AAK1: variants seen among roughly 807,000 people sequenced by gnomAD.
The protein encoded by AAK1 is AP2 associated kinase 1.
A neutral mutation model predicts 116.0 loss-of-function variants in AAK1; 37 were observed. The observed-to-expected ratio is 0.32, with a 90% CI of 0.25 to 0.42. AAK1 has a LOEUF of 0.42. Among genes scored for constraint, AAK1 ranks in the 10% least tolerant of loss-of-function variants. The pLI is 1.00. For synonymous variants in AAK1, 458 were observed against 439.9 expected (o/e 1.04, Z -0.51); for missense variants, 919 against 1,170.6 (o/e 0.79, Z 3.14).
rs1674752815 is a variant in AAK1 at position 69,473,614 on chromosome 2, G to C, written c.*2255C>G. 1.0e-6 allele frequency: 1 copy of C among 983,492 alleles called. No individual in the cohort carries two copies. Among genetic ancestry groups the C allele is most frequent in the African/African-American group, 1.8e-5 (1 of 57,126 alleles). The allele number at this position is 983,492 out of a possible 1,614,324, so 60.9% of individuals were successfully genotyped here. ...AAATGACTAGATAATATATTTCAATGTAATTATGGGTAATATATGAAAAGA... is the reference window on the plus strand; with the variant it reads ...AAATGACTAGATAATATATTTCAATCTAATTATGGGTAATATATGAAAAGA... On this transcript the variant is annotated 3_prime_UTR_variant, in exon 22 of 22. Coordinates refer to ENST00000409085, the MANE Select transcript of AAK1 (RefSeq NM_014911.5).
chr2:69,529,400 CT>C (rs11450461), intron 8 of AAK1, among the ~76,000 whole-genome samples: 1 of 149,830 alleles, frequency 6.7e-6, no homozygotes, highest in Non-Finnish European at 1.5e-5. Context: ...AAATATTATT[CT>C]TTTTTTTTTC....
chr2:69,543,014 C>T (rs1273664778), intron 4 of AAK1, among the ~76,000 whole-genome samples: 2 of 152,194 alleles, frequency 1.3e-5, no homozygotes, highest in East Asian at 3.8e-4. Flanking sequence ...TGGCCACAGC[C>T]TCAACTTGCC....
rs562559905 is a variant in AAK1 at position 69,538,471 on chromosome 2, C to T, written c.534+4052G>A. 1.8e-4 allele frequency among the ~76,000 whole-genome samples: 27 copies of T among 152,380 alleles called. No individual in the cohort carries two copies. The South Asian group carries it at 5.4e-3, about 30-fold the overall frequency. On this transcript the variant is annotated intron_variant, in intron 5 of 21. Transcript: ENST00000409085. ...GCTGACCCAGCACCTCACTGTAGCA[C>T]AGGGAATGTCACCAGGCAGTGCTAT...
chr2:69,468,303 G>A lies in AAK1; in HGVS notation c.*7566C>T, dbSNP rs56752877. On this transcript the variant is annotated 3_prime_UTR_variant, in exon 22 of 22. Coordinates refer to ENST00000409085, the MANE Select transcript of AAK1 (RefSeq NM_014911.5). ...AGATTTGTCTCAGTGATACCAAGATGATAATTTCTGGGAGGAAATTCAAAT... is the reference window on the plus strand; with the variant it reads ...AGATTTGTCTCAGTGATACCAAGATAATAATTTCTGGGAGGAAATTCAAAT... 9,341 of 985,204 alleles carry A rather than the reference G, an allele frequency of 9.5e-3. 548 individuals are homozygous for A. In the African/African-American group the frequency reaches 0.14, roughly 14 times the overall value. 61.0% of individuals were successfully genotyped at this position (985,204 alleles called of 1,614,324 possible).
chr2:69,640,987 C>G (rs1172102471), intron 2 of AAK1, among the ~76,000 whole-genome samples: 1 of 152,236 alleles, frequency 6.6e-6, no homozygotes, highest in African/African-American at 2.4e-5. Context: ...ACAGGCAACT[C>G]CATAAACTGT....
intron 2 of AAK1, among the ~76,000 whole-genome samples, chr2:69,611,689 G>A (rs576444281): frequency 1.3e-4 from 20 of 152,218 alleles, no homozygotes; most frequent in African/African-American, 4.3e-4. Context: ...AGAGAGATAC[G>A]TATACCCATG....
intron 2 of AAK1, among the ~76,000 whole-genome samples, chr2:69,575,464 ATT>A (rs947872572): frequency 2.5e-4 from 33 of 134,372 alleles, no homozygotes; most frequent in Admixed American, 3.0e-4. Context: ...AGATAAACAA[ATT>A]TTTTTTTTTT....
intron 7 of AAK1, 90 bp downstream of exon 7, chr2:69,530,535 A>T (rs1670210716): frequency 5.5e-6 from 6 of 1,084,490 alleles, no homozygotes; most frequent in Non-Finnish European, 8.4e-6. Flanking sequence ...TACAGTAGCC[A>T]CCATGCTATA....
rs1175655712 is a variant in AAK1, at chr2:69,476,194, G to GCA, written c.2792-233_2792-232dup. Among the ~76,000 whole-genome samples the GCA allele has an allele frequency of 6.6e-5, 10 of 152,256 alleles. No homozygotes were observed. The East Asian group carries it at 1.9e-3, about 29-fold the overall frequency. On this transcript the variant is annotated intron_variant, in intron 21 of 21. Transcript: ENST00000409085. The stretch of plus-strand genomic sequence containing the variant: ...CCCACCAAAAGCTCAGGCACTCTGT[G>GCA]CACACCACAGTATAGGTAGGACATC...
intron 3 of AAK1, among the ~76,000 whole-genome samples, chr2:69,555,232 C>A (rs143695722): frequency 3.3e-5 from 5 of 152,334 alleles, no homozygotes; most frequent in African/African-American, 1.2e-4. Context: ...GAGCTATGTG[C>A]AGGGGAGTGG....
intron 5 of AAK1, 109 bp from the exon 6 acceptor site, chr2:69,532,271 A>G (rs1258096973): frequency 1.4e-5 from 19 of 1,357,840 alleles, no homozygotes; most frequent in East Asian, 2.5e-5. Context: ...CAGTCTCATT[A>G]ATGTGCACAG....
intron 2 of AAK1, among the ~76,000 whole-genome samples, chr2:69,634,926 T>G (rs906696507): frequency 2.6e-5 from 4 of 152,312 alleles, no homozygotes; most frequent in Non-Finnish European, 4.4e-5. Context: ...AAAACAGTAG[T>G]GTACAAGATG....
intron 17 of AAK1, among the ~76,000 whole-genome samples, chr2:69,483,626 G>A (rs1558898399): frequency 6.6e-6 from 1 of 152,060 alleles, no homozygotes; most frequent in Non-Finnish European, 1.5e-5. Flanking sequence ...ACTTTATTTA[G>A]AAACAGTTTA....
chr2:69,471,283 T>A lies in AAK1; in HGVS notation c.*4586A>T. 1.0e-6 allele frequency: 1 copy of A among 985,440 alleles called. No homozygotes were observed. Among genetic ancestry groups the A allele is most frequent in the Non-Finnish European group, 1.2e-6 (1 of 829,938 alleles). 61.0% of individuals were successfully genotyped at this position (985,440 alleles called of 1,614,324 possible). A position where few individuals can be genotyped will look rare whatever the true frequency, so the allele number is the denominator to read the frequency against. ...TAGCATTACCCAAGGAGCCTCCCTA[T>A]CCCGTATTAGTGAAAGGAAATCTGG... On this transcript the variant is annotated 3_prime_UTR_variant, in exon 22 of 22. Transcript: ENST00000409085.
chr2:69,491,448 G>A (rs1311694908), intron 17 of AAK1, among the ~76,000 whole-genome samples: 1 of 152,094 alleles, frequency 6.6e-6, no homozygotes, highest in African/African-American at 2.4e-5. Context: ...AAGAAAATTT[G>A]TTTTATAGTG....
At chr2:69,557,405 G>C (rs13430628) in intron 2 of AAK1, among the ~76,000 whole-genome samples, 3 of 150,284 alleles carry the variant, frequency 2.0e-5, no homozygotes, top group East Asian at 2.0e-4. Context: ...GGGTTCAATC[G>C]ATCCTCCCAC....
chr2:69,553,564 T>C (rs1671270972), intron 3 of AAK1, among the ~76,000 whole-genome samples: 1 of 149,506 alleles, frequency 6.7e-6, no homozygotes. Context: ...CTGCCTCAGC[T>C]TCCTGAATAG....
Position 69,507,536 on chromosome 2 carries a change from T to A in AAK1, c.2049A>T (p.Gln683His). 1 of 1,612,470 alleles carries A rather than the reference T, an allele frequency of 6.2e-7. No individual in the cohort carries two copies. Among genetic ancestry groups the A allele is most frequent in the Non-Finnish European group, 8.5e-7 (1 of 1,179,242 alleles). ...CTTCTGAAGGATTATAAACGTTTTG[T>A]TGAGAGGTCCGAGGAGAGCCTGATG... Reference protein sequence around the residue: ...TTPSGSPRTSQQNVYNPSEGS... With the variant: ...TTPSGSPRTSHQNVYNPSEGS... Residue 683 changes from glutamine to histidine, a missense_variant, in exon 15 of 22, where the codon CAA becomes CAT. Physicochemically the swap from Gln to His is conservative, Grantham distance 24 (BLOSUM62 0). Around this residue, in one of 4 missense-constraint regions of AAK1, gnomAD observed 125 missense variants for 184.1 expected, o/e 0.68. Transcript: ENST00000409085.
intron 5 of AAK1, among the ~76,000 whole-genome samples, 185 bp from the exon 6 acceptor site, chr2:69,532,347 T>C (rs1670294140): frequency 6.6e-6 from 1 of 151,914 alleles, no homozygotes; most frequent in Non-Finnish European, 1.5e-5. Flanking sequence ...AGATGCAGAG[T>C]AAGAGGGAAA....
Sources: allele counts gnomAD v4.1 joint callset (sites outside exome capture counted in the v4.1 genomes callset), GRCh38; gene constraint gnomAD v4.1.1; regional missense constraint gnomAD v4.1.1; transcripts MANE v1.5; gene names NCBI Gene and HGNC (gene_info 2026-07-23, HGNC 2026-07-21).